The following FCSK variants were observed in gnomAD, a reference collection of about 807,000 sequenced individuals.
FCSK encodes the protein fucose kinase.
Under a neutral mutation model 122.5 loss-of-function variants are expected in FCSK, and 123 were observed. The ratio of observed to expected loss-of-function variants is 1.00; its 90% CI spans 0.87 to 1.17. FCSK has a LOEUF of 1.17. FCSK is among the 50% of genes most tolerant of loss of function. The pLI is 0.00. For missense variants in FCSK, 1,366 were observed against 1,450.4 expected (o/e 0.94, Z 0.95); for synonymous variants, 620 against 625.5 (o/e 0.99, Z 0.13).
intron 1 of FCSK, among the ~76,000 whole-genome samples, chr16:70,460,853 T>C (rs946518020): frequency 3.9e-5 from 6 of 152,222 alleles, no homozygotes; most frequent in African/African-American, 1.4e-4. Context: ...ATTCAGATCG[T>C]AGCAGCTGGG....
At chr16:70,463,808 T>A in intron 3 of FCSK, 34 bp downstream of exon 3, 1 of 1,571,548 alleles carries the variant, frequency 6.4e-7, no homozygotes, top group East Asian at 2.3e-5. Context: ...CCCTGGTCTG[T>A]GTCCCTGCTG....
At chr16:70,469,592 C>T (rs564516938) in intron 10 of FCSK, among the ~76,000 whole-genome samples, 24 of 152,100 alleles carry the variant, frequency 1.6e-4, no homozygotes, top group African/African-American at 5.8e-4. Flanking sequence ...CTCTCTTTGT[C>T]GCCCCGGCTA....
At chr16:70,466,283 G>T in intron 5 of FCSK, 26 bp downstream of exon 5, 1 of 1,613,152 alleles carries the variant, frequency 6.2e-7, no homozygotes, top group Non-Finnish European at 8.5e-7. Context: ...GGCCCGTGGT[G>T]CCTCGTCCCA....
chr16:70,468,972 A>G lies in FCSK; in HGVS notation c.783+4A>G, dbSNP rs755036104. 1.9e-6 allele frequency: 3 copies of G among 1,612,708 alleles called. No individual in the cohort carries two copies. Among genetic ancestry groups the G allele is most frequent in the Non-Finnish European group, 2.5e-6 (3 of 1,179,904 alleles). ...CTCCGGAGCCCGGCCTGTCCAGGTGACTGGGGGAGGGCAGCTAGGTGGGGC... is the reference window on the plus strand; with the variant it reads ...CTCCGGAGCCCGGCCTGTCCAGGTGGCTGGGGGAGGGCAGCTAGGTGGGGC... On this transcript the variant is annotated splice_donor_region_variant and intron_variant, in intron 9 of 23. Coordinates refer to ENST00000288078, the MANE Select transcript of FCSK (RefSeq NM_145059.3).
intron 1 of FCSK, among the ~76,000 whole-genome samples, chr16:70,455,815 C>G (rs891013879): frequency 1.3e-5 from 2 of 151,580 alleles, no homozygotes; most frequent in African/African-American, 4.9e-5. Flanking sequence ...TCACTTTAAC[C>G]TGGGAGGCGG....
chr16:70,475,823 G>A (rs997400418), intron 20 of FCSK, 56 bp downstream of exon 20: 29 of 1,473,004 alleles, frequency 2.0e-5, no homozygotes, highest in Admixed American at 7.1e-5. Context: ...AAGGGCCCGC[G>A]GGGGGAGTGG....
intron 10 of FCSK, among the ~76,000 whole-genome samples, chr16:70,469,934 T>G (rs2048557751): frequency 6.6e-6 from 1 of 151,986 alleles, no homozygotes; most frequent in Non-Finnish European, 1.5e-5. Flanking sequence ...AACCTCTGCG[T>G]CTCAGGTTCA....
At chr16:70,457,006 C>A (rs1218246893) in intron 1 of FCSK, among the ~76,000 whole-genome samples, 1 of 151,312 alleles carries the variant, frequency 6.6e-6, no homozygotes, top group African/African-American at 2.4e-5. Flanking sequence ...GGTGACAGAG[C>A]GAGACTCCAT....
At position 70,466,265 on chromosome 16, in the gene FCSK, T is replaced by G. The variant is rs1290689074; in HGVS notation, c.411+8T>G. On this transcript the variant is annotated splice_region_variant and intron_variant, in intron 5 of 23. Transcript: ENST00000288078. ...GACATCATGACCTATCGGGTGAGGC[T>G]GGGTGGTGGCCCGTGGTGCCTCGTC... The G allele has an allele frequency of 6.2e-7, 1 of 1,613,888 alleles. No homozygotes were observed. The highest frequency in any genetic ancestry group is 1.1e-5 in the South Asian group (1 of 91,072).
rs562205568 is a variant in FCSK, at chr16:70,474,855, C to T, written c.2221C>T (p.Arg741Ter). The change falls in exon 18 of 24, where the codon CGA (arginine) becomes TGA (stop). Residue 741 changes from arginine to a stop codon, truncating the protein, a stop_gained. Coordinates refer to ENST00000288078, the MANE Select transcript of FCSK (RefSeq NM_145059.3). LOFTEE classifies it high-confidence loss of function. Reference sequence around the variant, plus strand: ...CGGGGCTGTGCTGGGCCTGGCTGTGCGAGTGGACGGCCGCCGGCCCATCGG... The same window carrying T: ...CGGGGCTGTGCTGGGCCTGGCTGTGTGAGTGGACGGCCGCCGGCCCATCGG... Reference protein sequence around the residue: ...LGGAVLGLAVRVDGRRPIGAR... With the variant: ...LGGAVLGLAV The T allele has an allele frequency of 2.8e-5, 44 of 1,596,670 alleles. No individual in the cohort carries two copies. The highest frequency in any genetic ancestry group is 3.5e-5 in the Admixed American group (2 of 57,852).
rs750449972 is a variant in FCSK, at chr16:70,463,778, A to T, written c.234+4A>T. On this transcript the variant is annotated splice_donor_region_variant and intron_variant, in intron 3 of 23. Transcript: ENST00000288078. ...GAGTGCCCGGGCAGGCTTCACTGTG[A>T]GTGCTCACCAGGGCCACCTCCCTGG... The T allele has an allele frequency of 1.9e-6, 3 of 1,604,140 alleles. No individual in the cohort carries two copies. The highest frequency in any genetic ancestry group is 2.5e-6 in the Non-Finnish European group (3 of 1,176,528).
In FCSK at chr16:70,474,605, C is replaced by A. The variant is rs958312451; in HGVS notation, c.2066C>A (p.Ala689Asp). 3 of 1,579,364 alleles carry A rather than the reference C, an allele frequency of 1.9e-6. No homozygotes were observed. The African/African-American group carries it at 4.0e-5, about 21-fold the overall frequency. The stretch of plus-strand genomic sequence containing the variant: ...CTGATCCGCCAGGCTGTGATGTCAG[C>A]CCAGCACTTTGTCTCCACAGAGCAG... ...QILIRQAVMS[A>D]QHFVSTEQVE... Residue 689 changes from alanine to aspartate, a missense_variant, in exon 17 of 24, where the codon GCC (alanine) becomes GAC (aspartate). By Grantham distance (126) the Ala-to-Asp change is moderately radical. Transcript: ENST00000288078.
In FCSK at chr16:70,473,354, G is replaced by T; in HGVS notation, c.1777+1G>T. 8 of 1,496,096 alleles carry T rather than the reference G, an allele frequency of 5.3e-6. No individual in the cohort carries two copies. The highest frequency in any genetic ancestry group is 7.2e-6 in the Non-Finnish European group (8 of 1,118,104). The allele number at this position is 1,496,096 out of a possible 1,614,324, so 92.7% of individuals were successfully genotyped here. ...CCCCTGCTGGCCACGCTGGACCAGG[G>T]TGAGTGTGCAGGCTGGTAGTGCTGC... On this transcript the variant is annotated splice_donor_variant, in intron 15 of 23. Coordinates refer to ENST00000288078, the MANE Select transcript of FCSK (RefSeq NM_145059.3). LOFTEE classifies it high-confidence loss of function. The surrounding 1 kb of genome is among the most constrained non-coding windows in gnomAD (Gnocchi z 4.9).
chr16:70,474,177 G>T lies in FCSK; in HGVS notation c.1826G>T (p.Cys609Phe). ...DPGVAARALACVADVLGCMAE... is the reference protein window; with the variant it reads ...DPGVAARALAFVADVLGCMAE... ...GGTGTGGCGGCACGGGCACTGGCCT[G>T]TGTGGCGGACGTCCTGGGCTGCATG... Residue 609 changes from cysteine (C) to phenylalanine (F), a missense_variant, in exon 16 of 24, where the codon TGT becomes TTT. Physicochemically the swap from Cys to Phe is radical, Grantham distance 205. Coordinates refer to ENST00000288078, the MANE Select transcript of FCSK (RefSeq NM_145059.3). The T allele has an allele frequency of 6.4e-7, 1 of 1,562,342 alleles. No individual in the cohort carries two copies.
Position 70,471,198 on chromosome 16 carries a change from G to T in FCSK, c.1187G>T (p.Gly396Val). 6.2e-7 allele frequency: 1 copy of T among 1,606,176 alleles called. No homozygotes were observed. Among genetic ancestry groups the T allele is most frequent in the Non-Finnish European group, 8.5e-7 (1 of 1,175,776 alleles). Residue 396 changes from glycine to valine, a missense_variant, in exon 13 of 24, where the codon GGC (glycine) becomes GTC (valine). Physicochemically the swap from Gly to Val is moderately radical, Grantham distance 109 (BLOSUM62 -3). Transcript: ENST00000288078. Reference sequence around the variant, plus strand: ...CCCCACCAGGGCCCCATTCACATAGGCGCTGGCTGCTTGGTGACTGGCCTG... The same window carrying T: ...CCCCACCAGGGCCCCATTCACATAGTCGCTGGCTGCTTGGTGACTGGCCTG... The part of the protein sequence containing the change: ...HCHLQGPIHI[G>V]AGCLVTGLDT...
In FCSK at chr16:70,475,421, C is replaced by T. The variant is rs1250952648; in HGVS notation, c.2449C>T (p.Gln817Ter). 1.2e-6 allele frequency: 2 copies of T among 1,609,050 alleles called. No individual in the cohort carries two copies. The highest frequency in any genetic ancestry group is 1.7e-6 in the Non-Finnish European group (2 of 1,179,578). Reference protein sequence around the residue: ...HVHSELQLSEQLLRTFGGGFE... With the variant: ...HVHSELQLSE Reference sequence around the variant, plus strand: ...CCACTCGGAACTCCAGCTGAGTGAGCAGCTGCTCCGCACCTTCGGGGGCGG... The same window carrying T: ...CCACTCGGAACTCCAGCTGAGTGAGTAGCTGCTCCGCACCTTCGGGGGCGG... Residue 817 changes from glutamine to a stop codon, truncating the protein, a stop_gained, in exon 19 of 24, where the codon CAG (glutamine) becomes TAG (stop). Coordinates refer to ENST00000288078, the MANE Select transcript of FCSK (RefSeq NM_145059.3). LOFTEE classifies it high-confidence loss of function.
Position 70,472,558 on chromosome 16 carries a change from A to G in FCSK, c.1359A>G (p.Thr453=). 1.2e-6 allele frequency: 2 copies of G among 1,613,106 alleles called. No individual in the cohort carries two copies. The highest frequency in any genetic ancestry group is 1.7e-6 in the Non-Finnish European group (2 of 1,179,536). Residue 453 remains threonine, a synonymous_variant, in exon 14 of 24, where the codon ACA becomes ACG. Transcript: ENST00000288078. ...LDSWERQGAG[T]YLNVPWSEFF... ...TCCCCCAGAGACAGGGGGCAGGCAC[A>G]TATCTCAACGTGCCCTGGAGTGAAT...
intron 15 of FCSK, 97 bp from the exon 16 acceptor site, chr16:70,474,032 G>T (rs1050162836): frequency 8.9e-7 from 1 of 1,117,814 alleles, no homozygotes. Flanking sequence ...AGGTGTGAGG[G>T]GTCTGGCGCA....
In FCSK at chr16:70,466,227, G is replaced by C. The variant is rs200027897; in HGVS notation, c.381G>C (p.Leu127=). ...EAPVEALVCN[L]DCLLDIMTYR... is the part of the protein sequence containing the mutation. ...CCGTGGAAGCCTTGGTCTGCAACCT[G>C]GACTGCCTGCTGGACATCATGACCT... Residue 127 remains leucine, a synonymous_variant, in exon 5 of 24, where the codon CTG becomes CTC. Transcript: ENST00000288078. 602 of 1,613,854 alleles carry C rather than the reference G, an allele frequency of 3.7e-4. 4 individuals are homozygous for C. Among genetic ancestry groups the C allele is most frequent in the African/African-American group, 2.7e-4 (20 of 74,902 alleles).
Sources: allele counts gnomAD v4.1 joint callset (sites outside exome capture counted in the v4.1 genomes callset), GRCh38; gene constraint gnomAD v4.1.1; non-coding constraint Gnocchi (gnomAD v3.1); transcripts MANE v1.5; gene names NCBI Gene and HGNC (gene_info 2026-07-23, HGNC 2026-07-21).